The following MYCT1 variants were observed in gnomAD, a reference collection of about 807,000 sequenced individuals.
MYCT1 encodes myc target protein 1.
A neutral mutation model predicts 15.0 loss-of-function variants in MYCT1; 12 were observed. That is an observed-to-expected ratio of 0.80 (90% CI 0.51 to 1.29). MYCT1 has a LOEUF of 1.29. MYCT1 is among the 50% of genes most tolerant of loss of function. MYCT1 has a pLI of 0.00. For synonymous variants in MYCT1, 104 were observed against 102.7 expected (o/e 1.01, Z -0.07); for missense variants, 287 against 279.1 (o/e 1.03, Z -0.20).
chr6:152,734,170 A>G, the MYCT1 span, among the ~76,000 whole-genome samples: 255 of 152,274 alleles, frequency 1.7e-3, 2 homozygotes, highest in African/African-American at 5.8e-3. Flanking sequence ...TTTTAAGAGC[A>G]TACTCTTCCT....
chr6:152,706,845 A>ATGTGTGTGTG (rs1019981760), intron 1 of MYCT1, among the ~76,000 whole-genome samples: 1 of 119,964 alleles, frequency 8.3e-6, no homozygotes, highest in African/African-American at 3.8e-5. Context: ...TAGAAACCAT[A>ATGTGTGTGTG]TATGTGTGTG....
intron 1 of MYCT1, among the ~76,000 whole-genome samples, chr6:152,706,845 ATATG>A (rs1276900295): frequency 6.7e-5 from 8 of 119,964 alleles, no homozygotes; most frequent in African/African-American, 2.3e-4. Context: ...TAGAAACCAT[ATATG>A]TGTGTGTGTG....
At chr6:152,734,068 G>A in the MYCT1 span, among the ~76,000 whole-genome samples, 3 of 151,944 alleles carry the variant, frequency 2.0e-5, no homozygotes, top group Non-Finnish European at 4.4e-5. Context: ...TCCTTCACCA[G>A]AATACTGTGG....
At chr6:152,737,762 T>C in the MYCT1 span, among the ~76,000 whole-genome samples, 3 of 152,174 alleles carry the variant, frequency 2.0e-5, no homozygotes, top group East Asian at 3.8e-4. Context: ...ATAATGCATA[T>C]GTTGTTTAAG....
At chr6:152,706,696 A>G (rs1424061441) in intron 1 of MYCT1, among the ~76,000 whole-genome samples, 1 of 152,164 alleles carries the variant, frequency 6.6e-6, no homozygotes, top group Non-Finnish European at 1.5e-5. Context: ...AGGTAGGCTA[A>G]GCTAAGCTAT....
the MYCT1 span, among the ~76,000 whole-genome samples, chr6:152,744,752 G>C: frequency 6.6e-6 from 1 of 152,180 alleles, no homozygotes; most frequent in African/African-American, 2.4e-5. Flanking sequence ...AGAGGACCAG[G>C]GTGTGGACGA....
At chr6:152,733,700 T>C in the MYCT1 span, among the ~76,000 whole-genome samples, 1 of 152,168 alleles carries the variant, frequency 6.6e-6, no homozygotes, top group Admixed American at 6.5e-5. Context: ...AGGCTGTTGG[T>C]TTCTGTAAGC....
chr6:152,715,834 AG>A (rs1160240764), intron 1 of MYCT1, among the ~76,000 whole-genome samples: 1 of 152,120 alleles, frequency 6.6e-6, no homozygotes, highest in Non-Finnish European at 1.5e-5. Flanking sequence ...AGGAATGGTG[AG>A]GGGGGAAGTG....
At chr6:152,727,818 C>T (rs932207093), downstream of MYCT1, among the ~76,000 whole-genome samples, 25 of 152,268 alleles carry the variant, frequency 1.6e-4, no homozygotes, top group African/African-American at 5.8e-4. Flanking sequence ...GTGGGATTCT[C>T]AGAGTGCCAG....
intron 1 of MYCT1, among the ~76,000 whole-genome samples, chr6:152,701,960 C>T (rs1025988378): frequency 5.9e-5 from 9 of 151,970 alleles, no homozygotes; most frequent in African/African-American, 2.2e-4. Flanking sequence ...ACACTATGTC[C>T]CCTGCTCCCT....
chr6:152,717,767 G>A (rs573226483), intron 1 of MYCT1, among the ~76,000 whole-genome samples: 58 of 152,194 alleles, frequency 3.8e-4, no homozygotes, highest in African/African-American at 1.3e-3. Context: ...AATTTCTAAA[G>A]TGTGTATTTT....
chr6:152,746,581 A>G, the MYCT1 span, among the ~76,000 whole-genome samples: 9 of 152,348 alleles, frequency 5.9e-5, no homozygotes, highest in South Asian at 1.7e-3. Flanking sequence ...GGACTACTCT[A>G]TGTGGTGGGG....
chr6:152,719,039 T>C (rs951063989), intron 1 of MYCT1, among the ~76,000 whole-genome samples: 1 of 152,178 alleles, frequency 6.6e-6, no homozygotes, highest in Non-Finnish European at 1.5e-5. Flanking sequence ...AATCAAGTGT[T>C]AATTCTACCA....
At position 152,721,942 on chromosome 6, in the gene MYCT1, C is replaced by A; in HGVS notation, c.397C>A (p.Arg133Ser). The change falls in exon 2 of 2, where the codon CGT becomes AGT. Residue 133 changes from arginine (R) to serine (S), a missense_variant. By Grantham distance (110) the Arg-to-Ser change is moderately radical (BLOSUM62 -1). Coordinates refer to ENST00000367245, the MANE Select transcript of MYCT1 (RefSeq NM_025107.3). ...TGFYRHSGCE[R>S]RSNLSLASLT... ...ATTTTACCGCCACAGTGGCTGTGAACGTCGAAGCAACCTCAGCCTGGCCAG... is the reference window on the plus strand; with the variant it reads ...ATTTTACCGCCACAGTGGCTGTGAAAGTCGAAGCAACCTCAGCCTGGCCAG... 1 of 1,614,156 alleles carries A rather than the reference C, an allele frequency of 6.2e-7. No homozygotes were observed. Among genetic ancestry groups the A allele is most frequent in the Non-Finnish European group, 8.5e-7 (1 of 1,180,020 alleles).
chr6:152,717,105 C>A (rs1239515360), intron 1 of MYCT1, among the ~76,000 whole-genome samples: 1 of 152,090 alleles, frequency 6.6e-6, no homozygotes, highest in South Asian at 2.1e-4. Flanking sequence ...CCAGTAGATG[C>A]TGCTTTCATC....
the MYCT1 span, among the ~76,000 whole-genome samples, chr6:152,743,094 C>T: frequency 1.3e-5 from 2 of 152,088 alleles, no homozygotes; most frequent in African/African-American, 4.8e-5. Flanking sequence ...CTCTCTCTGT[C>T]ACCCAGGCTG....
chr6:152,724,789 CA>C (rs2099725338), downstream of MYCT1, among the ~76,000 whole-genome samples: 1 of 151,848 alleles, frequency 6.6e-6, no homozygotes, highest in Non-Finnish European at 1.5e-5. Context: ...GACTGAGACA[CA>C]AATCCTTTTT....
chr6:152,720,862 G>C (rs772111520), intron 1 of MYCT1, among the ~76,000 whole-genome samples: 7 of 152,120 alleles, frequency 4.6e-5, no homozygotes, highest in Non-Finnish European at 8.8e-5. Context: ...GGTGTGGTGA[G>C]GGGAGACTCA....
chr6:152,745,772 C>T, the MYCT1 span, among the ~76,000 whole-genome samples: 2 of 152,102 alleles, frequency 1.3e-5, no homozygotes, highest in African/African-American at 2.4e-5. Flanking sequence ...AAAACCTGTC[C>T]GTTGCTAGGC....
Sources: allele counts gnomAD v4.1 joint callset (sites outside exome capture counted in the v4.1 genomes callset), GRCh38; gene constraint gnomAD v4.1.1; transcripts MANE v1.5; gene names NCBI Gene and HGNC (gene_info 2026-07-23, HGNC 2026-07-21).